The following EPB41L4B variants were observed in gnomAD, a reference collection of about 807,000 sequenced individuals.
EPB41L4B encodes band 4.1-like protein 4B.
In EPB41L4B, 30 loss-of-function variants were observed where a neutral mutation model predicts 112.5. That is an observed-to-expected ratio of 0.27 (90% CI 0.20 to 0.36). The LOEUF (loss-of-function observed/expected upper bound fraction) is 0.36, where lower values mean the gene tolerates loss of function less well. EPB41L4B is among the 10% of genes least tolerant of loss of function. The pLI, the probability that EPB41L4B is intolerant of heterozygous loss-of-function variation, is 1.00. For missense variants in EPB41L4B, 1,024 were observed against 1,133.3 expected (o/e 0.90, Z 1.38); for synonymous variants, 408 against 439.7 (o/e 0.93, Z 0.90).
chr9:109,185,414 G>A (rs971017189), intron 23 of EPB41L4B, 75 bp downstream of exon 23: 48 of 1,311,950 alleles, frequency 3.7e-5, no homozygotes, highest in Non-Finnish European at 5.2e-5. Flanking sequence ...GCCCACCCAG[G>A]CTTCCACCTC....
intron 5 of EPB41L4B, 141 bp from the exon 6 acceptor site, chr9:109,263,243 A>G (rs893846943): frequency 1.9e-5 from 12 of 627,478 alleles, no homozygotes; most frequent in Middle Eastern, 4.4e-4. Context: ...TGTCTACATT[A>G]AAGAATGCAA....
At chr9:109,236,259 G>A (rs1334868458) in intron 15 of EPB41L4B, among the ~76,000 whole-genome samples, 1 of 152,042 alleles carries the variant, frequency 6.6e-6, no homozygotes, top group African/African-American at 2.4e-5. Context: ...ATTGCAGGGG[G>A]CCAGTTAATG....
At chr9:109,219,936 T>G (rs1833516758) in intron 15 of EPB41L4B, among the ~76,000 whole-genome samples, 1 of 152,092 alleles carries the variant, frequency 6.6e-6, no homozygotes, top group Admixed American at 6.6e-5. Context: ...AAGTAGTCCC[T>G]GTGAGACTGA....
At chr9:109,185,266 C>G (rs1316070496) in intron 23 of EPB41L4B, among the ~76,000 whole-genome samples, 1 of 152,224 alleles carries the variant, frequency 6.6e-6, no homozygotes, top group Non-Finnish European at 1.5e-5. Context: ...CTTCTTGATT[C>G]TTGAGACCTA....
intron 23 of EPB41L4B, 116 bp from the exon 24 acceptor site, chr9:109,182,913 C>T (rs762283681): frequency 8.3e-5 from 60 of 726,170 alleles, no homozygotes; most frequent in Non-Finnish European, 1.3e-4. Flanking sequence ...CCCCGCAGAG[C>T]CTTCATCACT....
intron 1 of EPB41L4B, among the ~76,000 whole-genome samples, chr9:109,313,755 G>A (rs551492544): frequency 1.3e-5 from 2 of 152,160 alleles, no homozygotes; most frequent in South Asian, 4.1e-4. Context: ...ATGTAGAGAG[G>A]AGAGCCGAGG....
At position 109,217,025 on chromosome 9, in the gene EPB41L4B, A is replaced by ATGCTGG; in HGVS notation, c.1524_1529dup (p.Gln515_His516dup). On this transcript the variant is annotated inframe_insertion, in exon 16 of 26. Transcript: ENST00000374566. ...TTGAGTGGTGCTGGTGCTGATGCTGATGCTGGTGCTGGTGGTGATGCCTTC... is the reference window on the plus strand; with the variant it reads ...TTGAGTGGTGCTGGTGCTGATGCTGATGCTGGTGCTGGTGCTGGTGGTGATGCCTTC... The ATGCTGG allele has an allele frequency of 6.2e-7, 1 of 1,614,178 alleles. No individual in the cohort carries two copies. The highest frequency in any genetic ancestry group is 1.3e-5 in the African/African-American group (1 of 75,038).
intron 24 of EPB41L4B, among the ~76,000 whole-genome samples, chr9:109,177,135 G>T (rs897173996): frequency 4.6e-5 from 7 of 152,198 alleles, no homozygotes; most frequent in Non-Finnish European, 1.0e-4. Context: ...TAAGTAATCT[G>T]CCCAAGGTCA....
At chr9:109,296,815 G>A (rs1304778173) in intron 1 of EPB41L4B, among the ~76,000 whole-genome samples, 1 of 151,304 alleles carries the variant, frequency 6.6e-6, no homozygotes, top group Non-Finnish European at 1.5e-5. Context: ...TTTGAGCCCA[G>A]GAGTTTGAGG....
At chr9:109,291,795 T>C (rs772937557) in intron 1 of EPB41L4B, among the ~76,000 whole-genome samples, 3 of 152,134 alleles carry the variant, frequency 2.0e-5, no homozygotes, top group African/African-American at 4.8e-5. Context: ...GGGCTTCCAA[T>C]GTGCTGTAGA....
intron 19 of EPB41L4B, among the ~76,000 whole-genome samples, chr9:109,202,555 A>T (rs1014123789): frequency 6.6e-6 from 1 of 152,168 alleles, no homozygotes; most frequent in Non-Finnish European, 1.5e-5. Context: ...AAACTACCCT[A>T]AGGAGACCCT....
At chr9:109,176,401 G>C in intron 25 of EPB41L4B, 150 bp downstream of exon 25, 2 of 898,580 alleles carry the variant, frequency 2.2e-6, no homozygotes, top group Non-Finnish European at 1.6e-6. Context: ...CACCGCACCT[G>C]GCCCCTTTAT....
rs939016175 is a variant in EPB41L4B, at chr9:109,246,276, C to A, written c.1344+1480G>T. On this transcript the variant is annotated intron_variant, in intron 14 of 25. Transcript: ENST00000374566. ...AATTAGCCGGGCGTGGTGGCATACACCTATAACCCCAGATACTTGGGAGGC... is the reference window on the plus strand; with the variant it reads ...AATTAGCCGGGCGTGGTGGCATACAACTATAACCCCAGATACTTGGGAGGC... Among the ~76,000 whole-genome samples, 4 of 152,132 alleles carry A rather than the reference C, an allele frequency of 2.6e-5. No homozygotes were observed. In the East Asian group the frequency reaches 7.7e-4, roughly 29 times the overall value.
intron 17 of EPB41L4B, among the ~76,000 whole-genome samples, chr9:109,208,781 G>A (rs1185790783): frequency 6.6e-6 from 1 of 152,112 alleles, no homozygotes; most frequent in East Asian, 1.9e-4. Context: ...TCATCCATGT[G>A]TACAACCTGA....
At chr9:109,279,758 AC>A in intron 2 of EPB41L4B, 58 bp downstream of exon 2, 1 of 1,371,932 alleles carries the variant, frequency 7.3e-7, no homozygotes, top group East Asian at 2.3e-5. Flanking sequence ...GCAACTGTGG[AC>A]GTGCAATTAG....
At chr9:109,194,806 G>A (rs1293293398) in intron 20 of EPB41L4B, among the ~76,000 whole-genome samples, 2 of 152,006 alleles carry the variant, frequency 1.3e-5, no homozygotes, top group Non-Finnish European at 2.9e-5. Flanking sequence ...GCCCCTCCCT[G>A]CAGCCTCTGG....
chr9:109,240,923 T>C (rs1834333376), intron 15 of EPB41L4B: 2 of 985,462 alleles, frequency 2.0e-6, no homozygotes, highest in Non-Finnish European at 2.4e-6. Flanking sequence ...ACAAATGCTA[T>C]GCAATTTAAG....
intron 19 of EPB41L4B, among the ~76,000 whole-genome samples, chr9:109,201,759 T>A (rs890520119): frequency 6.6e-6 from 1 of 151,882 alleles, no homozygotes; most frequent in Non-Finnish European, 1.5e-5. Context: ...TCCGGTGAGG[T>A]CTCAGTGGAA....
At chr9:109,295,214 C>T (rs1235148399) in intron 1 of EPB41L4B, among the ~76,000 whole-genome samples, 2 of 152,092 alleles carry the variant, frequency 1.3e-5, no homozygotes, top group Admixed American at 6.5e-5. Flanking sequence ...TCACAGACAC[C>T]ACGTCCTTTT....
Sources: allele counts gnomAD v4.1 joint callset (sites outside exome capture counted in the v4.1 genomes callset), GRCh38; gene constraint gnomAD v4.1.1; transcripts MANE v1.5; gene names NCBI Gene and HGNC (gene_info 2026-07-23, HGNC 2026-07-21).